Variants in PADI1 observed in about 807,000 individuals in gnomAD.
The protein encoded by PADI1 is protein-arginine deiminase type-1.
In PADI1, 65 loss-of-function variants were observed where a neutral mutation model predicts 74.8. The ratio of observed to expected loss-of-function variants is 0.87; its 90% confidence interval spans 0.71 to 1.07. The LOEUF (loss-of-function observed/expected upper bound fraction) is 1.07, where lower values mean the gene tolerates loss of function less well. Ranked by LOEUF, PADI1 falls within the 50% of genes least tolerant of loss-of-function variation. The probability of loss-of-function intolerance (pLI) is 0.00; values close to 1 mark genes in which losing one functional copy is unlikely to be tolerated. For synonymous variants in PADI1, 371 were observed against 336.2 expected, an observed-to-expected ratio of 1.10 and a Z score of -1.13; for missense variants, 943 against 854.0, an observed-to-expected ratio of 1.10 and a Z score of -1.30.
chr1:17,216,011 CCT>C (rs2100419991), intron 1 of PADI1, among the ~76,000 whole-genome samples: 1 of 152,218 alleles, frequency 6.6e-6, no homozygotes, highest in South Asian at 2.1e-4. Flanking sequence ...CGTATGCTAC[CCT>C]GAGAGAAGGA....
chr1:17,237,566 G>C, intron 12 of PADI1, 108 bp downstream of exon 12: 4 of 1,091,262 alleles, frequency 3.7e-6, no homozygotes, highest in Non-Finnish European at 5.0e-6. Context: ...CCCCGAGTAA[G>C]CTCTGGATTG....
rs545409882 is a variant in PADI1, at chr1:17,229,733, C to T, written c.930-352C>T. ...CCCCACCCTGACCCCTTTGCTTAGG[C>T]CAATTGTGTGGAACAGGAGTAGATG... On this transcript the variant is annotated intron_variant, in intron 8 of 15. Transcript: ENST00000375471. 1.1e-4 allele frequency among the ~76,000 whole-genome samples: 16 copies of T among 152,288 alleles called. No individual in the cohort carries two copies. The South Asian group carries it at 2.1e-3, about 20-fold the overall frequency.
chr1:17,219,668 G>T (rs2072081248), intron 1 of PADI1, among the ~76,000 whole-genome samples: 1 of 152,092 alleles, frequency 6.6e-6, no homozygotes, highest in African/African-American at 2.4e-5. Context: ...CAGAGCGATG[G>T]TGTGCAAAGG....
At position 17,238,649 on chromosome 1, in the gene PADI1, T is replaced by C. The variant is rs760468764; in HGVS notation, c.1492T>C (p.Cys498Arg). Residue 498 changes from cysteine (C) to arginine (R), a missense_variant, in exon 13 of 16, where the codon TGC (cysteine) becomes CGC (arginine). Physicochemically the swap from Cys to Arg is radical, Grantham distance 180. Transcript: ENST00000375471. ...GCTGCTCCTGGCTAGCCCCAGCGCT[T>C]GCCTCAAACTCTTCCAAGAGAAGAA... ...FRLLLASPSA[C>R]LKLFQEKKEE... 1.9e-6 allele frequency: 3 copies of C among 1,551,984 alleles called. No individual in the cohort carries two copies. The highest frequency in any genetic ancestry group is 2.4e-5 in the South Asian group (2 of 83,254).
At chr1:17,220,718 T>C (rs902006858) in intron 1 of PADI1, among the ~76,000 whole-genome samples, 3 of 152,202 alleles carry the variant, frequency 2.0e-5, no homozygotes, top group African/African-American at 7.2e-5. Flanking sequence ...TGTGTAGTTC[T>C]CTCATTCAAC....
intron 1 of PADI1, among the ~76,000 whole-genome samples, chr1:17,217,967 AG>A (rs1343665002): frequency 4.6e-5 from 7 of 152,284 alleles, no homozygotes; most frequent in African/African-American, 1.7e-4. Context: ...TTCAGCAAAG[AG>A]GTTGCTCATA....
chr1:17,228,225 G>A (rs987303102), intron 6 of PADI1, among the ~76,000 whole-genome samples: 3 of 152,194 alleles, frequency 2.0e-5, no homozygotes, highest in East Asian at 1.9e-4. Context: ...TGATCCTCCC[G>A]CCTTGGCCTC....
chr1:17,209,610 C>T (rs2977270), intron 1 of PADI1, among the ~76,000 whole-genome samples: 4,098 of 152,188 alleles, frequency 0.027, 68 homozygotes, highest in Non-Finnish European at 0.039. Context: ...CCAGGCCCTC[C>T]GCTTTCCGCC....
Position 17,231,667 on chromosome 1 carries a change from C to T in PADI1, c.1161+988C>T, listed in dbSNP as rs542935601. Reference sequence around the variant, plus strand: ...TTTTTTCACTGATTTCTGCTCTCATCTTTATCATTTTCATTTTCTACTTTC... The same window carrying T: ...TTTTTTCACTGATTTCTGCTCTCATTTTTATCATTTTCATTTTCTACTTTC... On this transcript the variant is annotated intron_variant, in intron 10 of 15. Transcript: ENST00000375471. 8.5e-5 allele frequency among the ~76,000 whole-genome samples: 13 copies of T among 152,278 alleles called. No homozygotes were observed. The East Asian group carries it at 2.5e-3, about 29-fold the overall frequency.
At chr1:17,238,805 T>C in intron 13 of PADI1, 96 bp downstream of exon 13, 1 of 550,364 alleles carries the variant, frequency 1.8e-6, no homozygotes, top group East Asian at 3.5e-5. Context: ...TCAGCTGGAC[T>C]CAGAACCCAA....
intron 1 of PADI1, among the ~76,000 whole-genome samples, chr1:17,207,006 T>C (rs1270313279): frequency 6.6e-6 from 1 of 152,148 alleles, no homozygotes. Flanking sequence ...TAACTAGGCA[T>C]CCCACATTGT....
intron 1 of PADI1, among the ~76,000 whole-genome samples, chr1:17,219,992 G>A (rs1193063495): frequency 6.6e-6 from 1 of 152,052 alleles, no homozygotes; most frequent in Non-Finnish European, 1.5e-5. Context: ...ATGAGGAAGG[G>A]GGTCAGATGA....
At chr1:17,223,507 G>A in intron 2 of PADI1, 114 bp from the exon 3 acceptor site, 11 of 801,702 alleles carry the variant, frequency 1.4e-5, no homozygotes, top group Non-Finnish European at 2.3e-5. Context: ...GACTGGGGGG[G>A]TCTCCAGGCC....
chr1:17,230,318 C>T lies in PADI1; in HGVS notation c.1053+110C>T, dbSNP rs188821367. The T allele has an allele frequency of 4.4e-4, 613 of 1,387,410 alleles. 3 individuals carry two copies. In the African/African-American group the frequency reaches 8.2e-3, roughly 18 times the overall value. The allele number at this position is 1,387,410 out of a possible 1,614,324, so 85.9% of individuals were successfully genotyped here. ...CTAGAGAAGCCACGGCAGCCTGGGC[C>T]AGGCCTCTGGGGCGAGGGCTTTTCC... On this transcript the variant is annotated intron_variant, in intron 9 of 15. Coordinates refer to ENST00000375471, the MANE Select transcript of PADI1 (RefSeq NM_013358.3).
chr1:17,216,699 C>T (rs1396044152), intron 1 of PADI1, among the ~76,000 whole-genome samples: 1 of 151,992 alleles, frequency 6.6e-6, no homozygotes, highest in African/African-American at 2.4e-5. Flanking sequence ...GGCGAAACCC[C>T]ATCTCTACTA....
intron 3 of PADI1, 37 bp downstream of exon 3, chr1:17,223,730 T>C (rs3003481): frequency 1 from 1,569,308 of 1,570,046 alleles, 784,287 homozygotes; most frequent in East Asian, 1. Context: ...TCTATCCCTT[T>C]GCCCCTCCAG....
chr1:17,215,626 T>G (rs1206902011), intron 1 of PADI1, among the ~76,000 whole-genome samples: 1 of 152,108 alleles, frequency 6.6e-6, no homozygotes, highest in Non-Finnish European at 1.5e-5. Flanking sequence ...CTACTTGCTC[T>G]TGGAACTCAT....
intron 11 of PADI1, among the ~76,000 whole-genome samples, chr1:17,235,197 GAA>G: frequency 7.3e-6 from 1 of 136,636 alleles, no homozygotes; most frequent in Admixed American, 7.4e-5. Context: ...AAGAAGGAAG[GAA>G]GGGAGGGAGG....
intron 1 of PADI1, among the ~76,000 whole-genome samples, chr1:17,212,023 G>A (rs971756281): frequency 6.6e-5 from 10 of 152,214 alleles, no homozygotes; most frequent in African/African-American, 1.9e-4. Flanking sequence ...GGTACGTTGA[G>A]GCAGAGCCAC....
Sources: gnomAD v4.1 joint callset for allele counts (sites outside exome capture counted in the v4.1 genomes callset) on GRCh38, gnomAD v4.1.1 for gene constraint, MANE v1.5 for transcripts, NCBI Gene and HGNC (gene_info 2026-07-23, HGNC 2026-07-21) for gene names.